The following ADAMTSL1 variants were observed in gnomAD, a reference collection of about 807,000 sequenced individuals.
ADAMTSL1 encodes ADAMTS like 1, also known as ADAMTS-like protein 1.
In ADAMTSL1, 126 loss-of-function variants were observed where a neutral mutation model predicts 201.8. The ratio of observed to expected loss-of-function variants is 0.62; its 90% CI spans 0.54 to 0.72. ADAMTSL1 has a LOEUF of 0.72. Ranked by LOEUF, ADAMTSL1 falls within the 30% of genes least tolerant of loss-of-function variation. The probability of loss-of-function intolerance (pLI) is 0.00; values close to 1 mark genes in which losing one functional copy is unlikely to be tolerated. For missense variants in ADAMTSL1, 2,679 were observed against 2,277.8 expected (o/e 1.18, Z -3.59); for synonymous variants, 1,121 against 903.4 (o/e 1.24, Z -4.32).
At chr9:18,180,271 C>T (rs190647632) in intron 2 of ADAMTSL1, among the ~76,000 whole-genome samples, 18 of 152,288 alleles carry the variant, frequency 1.2e-4, no homozygotes, top group Middle Eastern at 3.4e-3. Context: ...CGGTGGCTCA[C>T]GCCTGTAATC....
intron 2 of ADAMTSL1, among the ~76,000 whole-genome samples, chr9:18,393,975 C>G (rs886744505): frequency 6.6e-6 from 1 of 152,096 alleles, no homozygotes; most frequent in Non-Finnish European, 1.5e-5. Context: ...AATAAGGTTT[C>G]GGGTTACTTT....
chr9:18,324,721 GC>G (rs924424239), intron 2 of ADAMTSL1, among the ~76,000 whole-genome samples: 48 of 149,796 alleles, frequency 3.2e-4, no homozygotes, highest in Non-Finnish European at 3.5e-4. Flanking sequence ...CTGAGATCGC[GC>G]CATCACACTC....
chr9:18,085,142 G>A lies in ADAMTSL1; in HGVS notation c.88-78720G>A, dbSNP rs545779254. Among the ~76,000 whole-genome samples, 54 of 152,214 alleles carry A rather than the reference G, an allele frequency of 3.5e-4. 2 individuals are homozygous for A. Among genetic ancestry groups the A allele is most frequent in the Middle Eastern group, 6.8e-3 (2 of 294 alleles). ...TGGACTGAACATGGAAATTAATAGG[G>A]AATGTGTAGAGAGAGGGCCAGATTA... On this transcript the variant is annotated intron_variant, in intron 1 of 29. Transcript: ENST00000680146.
At chr9:18,272,891 G>C (rs1243801554) in intron 2 of ADAMTSL1, among the ~76,000 whole-genome samples, 2 of 152,064 alleles carry the variant, frequency 1.3e-5, no homozygotes, top group Admixed American at 6.6e-5. Context: ...CCTTTGTTTT[G>C]CCTTATGTAC....
intron 2 of ADAMTSL1, among the ~76,000 whole-genome samples, chr9:18,409,637 C>A (rs1818349917): frequency 6.6e-6 from 1 of 150,524 alleles, no homozygotes; most frequent in Non-Finnish European, 1.5e-5. Flanking sequence ...TTTTTGTGTT[C>A]TTTTCCTAGT....
intron 1 of ADAMTSL1, among the ~76,000 whole-genome samples, chr9:18,099,258 A>G (rs888634750): frequency 1.4e-5 from 2 of 145,346 alleles, no homozygotes; most frequent in Admixed American, 1.4e-4. Flanking sequence ...CTCCTGAAAA[A>G]TCTGATTAGA....
At chr9:17,959,676 G>T (rs545332078) in intron 1 of ADAMTSL1, among the ~76,000 whole-genome samples, 1 of 152,068 alleles carries the variant, frequency 6.6e-6, no homozygotes, top group East Asian at 1.9e-4. Context: ...GGCTGGCCTT[G>T]AACTCCTGAC....
chr9:18,325,532 G>C (rs1834796518), intron 2 of ADAMTSL1, among the ~76,000 whole-genome samples: 1 of 152,214 alleles, frequency 6.6e-6, no homozygotes, highest in African/African-American at 2.4e-5. Flanking sequence ...ATATTAGTCT[G>C]TTTTTGCTGC....
intron 4 of ADAMTSL1, among the ~76,000 whole-genome samples, chr9:18,604,312 G>A (rs1179607550): frequency 6.6e-6 from 1 of 152,174 alleles, no homozygotes; most frequent in Non-Finnish European, 1.5e-5. Context: ...AAGGAGGCTT[G>A]AGGAAAGTTA....
At chr9:17,969,201 T>A (rs1215769830) in intron 1 of ADAMTSL1, among the ~76,000 whole-genome samples, 1 of 97,842 alleles carries the variant, frequency 1.0e-5, no homozygotes, top group East Asian at 1.1e-3. Flanking sequence ...TTTACTAGAT[T>A]GCCAGTTAAA....
chr9:18,112,277 G>A (rs960698306), intron 1 of ADAMTSL1, among the ~76,000 whole-genome samples: 6 of 152,044 alleles, frequency 3.9e-5, no homozygotes, highest in African/African-American at 1.4e-4. Flanking sequence ...CCTGTGGCAT[G>A]GTTACATGCA....
At chr9:18,454,817 C>A (rs1344916708) in intron 2 of ADAMTSL1, among the ~76,000 whole-genome samples, 2 of 152,038 alleles carry the variant, frequency 1.3e-5, no homozygotes, top group African/African-American at 4.8e-5. Flanking sequence ...TACTGGTTTG[C>A]AAATTAGAAA....
intron 26 of ADAMTSL1, among the ~76,000 whole-genome samples, chr9:18,896,644 A>AC (rs1829654978): frequency 1.3e-5 from 2 of 151,792 alleles, no homozygotes; most frequent in South Asian, 2.1e-4. Context: ...AAAAACCTTC[A>AC]CCCCCCAGCC....
intron 19 of ADAMTSL1, among the ~76,000 whole-genome samples, chr9:18,794,731 T>A (rs986429224): frequency 6.6e-5 from 10 of 152,074 alleles, no homozygotes; most frequent in African/African-American, 2.4e-4. Flanking sequence ...CCCCCCACGT[T>A]CAAGTGATTC....
chr9:18,330,780 C>A (rs931127627), intron 2 of ADAMTSL1, among the ~76,000 whole-genome samples: 5 of 152,118 alleles, frequency 3.3e-5, no homozygotes. Context: ...TGGCACTAAG[C>A]AAACCAATAG....
chr9:18,069,946 T>C (rs10511648), intron 1 of ADAMTSL1, among the ~76,000 whole-genome samples: 45,832 of 152,118 alleles, frequency 0.3, 8,054 homozygotes, highest in Non-Finnish European at 0.4. Flanking sequence ...CATTGGAGCC[T>C]ATAGTTGAAT....
chr9:18,648,836 C>A (rs1244871526), intron 7 of ADAMTSL1, among the ~76,000 whole-genome samples: 2 of 152,052 alleles, frequency 1.3e-5, no homozygotes, highest in Non-Finnish European at 2.9e-5. Context: ...TCCTTCATTT[C>A]AACTTTGGTG....
In ADAMTSL1 at chr9:18,750,811, G is replaced by T. The variant is rs1819428329; in HGVS notation, c.2007-2487G>T. Among the ~76,000 whole-genome samples the T allele has an allele frequency of 3.3e-5, 5 of 152,144 alleles. 1 individual carries two copies. In the South Asian group the frequency reaches 1.0e-3, roughly 32 times the overall value. ...TTGCAGTTATCTAAAGGCAAGCTTG[G>T]GGCTGGAGGGTCTGCATTCAAGGTA... On this transcript the variant is annotated intron_variant, in intron 15 of 28. Transcript: ENST00000380548.
chr9:18,677,020 C>T (rs1000965251), intron 10 of ADAMTSL1, among the ~76,000 whole-genome samples: 1 of 151,918 alleles, frequency 6.6e-6, no homozygotes. Context: ...ATATTCAATG[C>T]ATATGTATTC....
Sources: gnomAD v4.1 joint callset for allele counts (sites outside exome capture counted in the v4.1 genomes callset) on GRCh38, gnomAD v4.1.1 for gene constraint, MANE v1.5 for transcripts, NCBI Gene and HGNC (gene_info 2026-07-23, HGNC 2026-07-21) for gene names.